The following PPP1R21 variants were observed in gnomAD, a reference collection of about 807,000 sequenced individuals.
The protein encoded by PPP1R21 is KLRAQ motif containing 1.
In PPP1R21, 85 loss-of-function variants were observed where a neutral mutation model predicts 112.8. The ratio of observed to expected loss-of-function variants is 0.75; its 90% CI spans 0.63 to 0.90. The LOEUF (loss-of-function observed/expected upper bound fraction) is 0.90, where lower values mean the gene tolerates loss of function less well. Among genes scored for constraint, PPP1R21 ranks in the 40% least tolerant of loss-of-function variants. PPP1R21 has a pLI of 0.00. For synonymous variants in PPP1R21, 381 were observed against 322.3 expected, an observed-to-expected ratio of 1.18 and a Z score of -1.95; for missense variants, 1,199 against 901.5, an observed-to-expected ratio of 1.33 and a Z score of -4.23.
At chr2:48,506,271 T>TC (rs1292498650) in intron 18 of PPP1R21, among the ~76,000 whole-genome samples, 1 of 152,206 alleles carries the variant, frequency 6.6e-6, no homozygotes, top group African/African-American at 2.4e-5. Context: ...TTTTTGTACT[T>TC]CTAGTAGAGA....
intron 9 of PPP1R21, 38 bp downstream of exon 9, chr2:48,465,680 C>T (rs1004700996): frequency 1.3e-6 from 2 of 1,579,692 alleles, no homozygotes; most frequent in Non-Finnish European, 1.7e-6. Context: ...TTGCCCTGAA[C>T]AAAATAGGGA....
rs1356214023 is a variant in PPP1R21 at position 48,474,697 on chromosome 2, G to A, written c.1103G>A (p.Cys368Tyr). The change falls in exon 12 of 22, where the codon TGT becomes TAT. Residue 368 changes from cysteine (C) to tyrosine (Y), a missense_variant. Cys to Tyr is a radical substitution (Grantham distance 194). Coordinates refer to ENST00000294952, the MANE Select transcript of PPP1R21 (RefSeq NM_001135629.3). ...CCTATTCCTAGTTTAGAAGAAGAAT[G>A]TGAATCCTCTCTTTGCACATCTGCG... is the stretch of plus-strand genomic sequence containing the variant. Reference protein sequence around the residue: ...PYQLKSLEEECESSLCTSALR... With the variant: ...PYQLKSLEEEYESSLCTSALR... The A allele has an allele frequency of 6.2e-7, 1 of 1,607,238 alleles. No individual in the cohort carries two copies. The highest frequency in any genetic ancestry group is 8.5e-7 in the Non-Finnish European group (1 of 1,177,198).
chr2:48,457,367 A>C (rs1044925113), intron 3 of PPP1R21, among the ~76,000 whole-genome samples: 1 of 152,218 alleles, frequency 6.6e-6, no homozygotes, highest in Non-Finnish European at 1.5e-5. Flanking sequence ...TTGGATTAGT[A>C]GGTGAGTTCA....
rs1558427152 is a variant in PPP1R21, at chr2:48,454,646, GA to G, written c.179del (p.Asp60AlafsTer3). ...QSLRKLQQEMDSLTFRNLQLA... is the reference protein window; with the variant it reads ...QSLRKLQQEMXSLTFRNLQLA... ...ATTGAGAAAACTACAACAGGAAATG[GA>G]CAGTTTGACATTTCGAAATCTGCAG... On this transcript the variant is annotated frameshift_variant, in exon 3 of 22. Transcript: ENST00000294952. LOFTEE classifies it high-confidence loss of function. The G allele has an allele frequency of 6.2e-7, 1 of 1,613,766 alleles. No homozygotes were observed. Among genetic ancestry groups the G allele is most frequent in the Non-Finnish European group, 8.5e-7 (1 of 1,179,642 alleles).
intron 16 of PPP1R21, among the ~76,000 whole-genome samples, chr2:48,496,100 C>CT (rs1296468556): frequency 6.6e-6 from 1 of 151,944 alleles, no homozygotes. Context: ...GCTAGTGACT[C>CT]TGAGTTATTT....
intron 1 of PPP1R21, among the ~76,000 whole-genome samples, chr2:48,448,396 C>T (rs938455613): frequency 1.3e-5 from 2 of 152,144 alleles, no homozygotes; most frequent in Admixed American, 6.5e-5. Context: ...TGCAGTGTGC[C>T]TTAGAAATGA....
intron 18 of PPP1R21, among the ~76,000 whole-genome samples, chr2:48,506,703 T>G (rs933280883): frequency 4.6e-5 from 7 of 152,070 alleles, no homozygotes; most frequent in Non-Finnish European, 8.8e-5. Context: ...CCCAGCACTT[T>G]GGGAGGCCAA....
rs745777290 is a variant in PPP1R21, at chr2:48,510,039, G to C, written c.2110G>C (p.Ala704Pro). The change falls in exon 20 of 22, where the codon GCC becomes CCC. Residue 704 changes from alanine to proline, a missense_variant. Ala to Pro is a conservative substitution (Grantham distance 27, BLOSUM62 -1). Coordinates refer to ENST00000294952, the MANE Select transcript of PPP1R21 (RefSeq NM_001135629.3). Reference sequence around the variant, plus strand: ...GTGCCGAGCACTGTCTAAAAGACTGGCCTTGGCTGAAAAGTCTAAGGAAGC... The same window carrying C: ...GTGCCGAGCACTGTCTAAAAGACTGCCCTTGGCTGAAAAGTCTAAGGAAGC... ...AECRALSKRLALAEKSKEALT... is the reference protein window; with the variant it reads ...AECRALSKRLPLAEKSKEALT... 15 of 1,613,830 alleles carry C rather than the reference G, an allele frequency of 9.3e-6. No homozygotes were observed. Among genetic ancestry groups the C allele is most frequent in the Admixed American group, 1.7e-5 (1 of 60,014 alleles).
chr2:48,472,097 G>A (rs890031910), intron 11 of PPP1R21, among the ~76,000 whole-genome samples: 20 of 151,682 alleles, frequency 1.3e-4, no homozygotes, highest in African/African-American at 2.2e-4. Context: ...AAAATTAGCC[G>A]GGCGTTGTGG....
At chr2:48,468,529 C>T (rs1668305387) in intron 9 of PPP1R21, among the ~76,000 whole-genome samples, 1 of 152,104 alleles carries the variant, frequency 6.6e-6, no homozygotes, top group Non-Finnish European at 1.5e-5. Flanking sequence ...AAAATATTTT[C>T]TGACCAGACA....
At chr2:48,495,145 C>G (rs1278397781) in intron 15 of PPP1R21, among the ~76,000 whole-genome samples, 1 of 152,100 alleles carries the variant, frequency 6.6e-6, no homozygotes, top group African/African-American at 2.4e-5. Flanking sequence ...GTAAAGTCAT[C>G]AGTCGAACCA....
At chr2:48,453,363 T>A (rs1667567320) in intron 2 of PPP1R21, among the ~76,000 whole-genome samples, 1 of 152,230 alleles carries the variant, frequency 6.6e-6, no homozygotes, top group Admixed American at 6.5e-5. Context: ...TTTTATTTTC[T>A]ATTTTTTTAA....
At chr2:48,474,519 G>A (rs964882154) in intron 11 of PPP1R21, among the ~76,000 whole-genome samples, 164 bp from the exon 12 acceptor site, 2 of 152,210 alleles carry the variant, frequency 1.3e-5, no homozygotes, top group African/African-American at 4.8e-5. Context: ...AGCAAGCAGT[G>A]TATGTATCAT....
At chr2:48,468,175 A>G (rs1368356087) in intron 9 of PPP1R21, among the ~76,000 whole-genome samples, 1 of 152,216 alleles carries the variant, frequency 6.6e-6, no homozygotes, top group Admixed American at 6.5e-5. Context: ...GGGAGATAGA[A>G]TACCTACCTC....
intron 2 of PPP1R21, 140 bp downstream of exon 2, chr2:48,451,216 G>A (rs1667455168): frequency 1.6e-6 from 1 of 642,030 alleles, no homozygotes; most frequent in South Asian, 1.9e-5. Flanking sequence ...ACAGTCTTTT[G>A]TGGTTAATTT....
chr2:48,506,684 G>A (rs921957248), intron 18 of PPP1R21, among the ~76,000 whole-genome samples: 6 of 152,034 alleles, frequency 3.9e-5, no homozygotes, highest in Admixed American at 6.6e-5. Flanking sequence ...GGTGGCTCAC[G>A]CCTGTAATCC....
At chr2:48,462,573 A>G (rs1668024433) in intron 7 of PPP1R21, among the ~76,000 whole-genome samples, 1 of 152,194 alleles carries the variant, frequency 6.6e-6, no homozygotes, top group Non-Finnish European at 1.5e-5. Context: ...AAAAGGTGTC[A>G]TCATGCCCTC....
chr2:48,487,213 AC>A (rs1377312769), intron 14 of PPP1R21, among the ~76,000 whole-genome samples: 1 of 152,202 alleles, frequency 6.6e-6, no homozygotes, highest in Non-Finnish European at 1.5e-5. Context: ...CTGGGAACAT[AC>A]AAAAAAAGAA....
intron 2 of PPP1R21, among the ~76,000 whole-genome samples, chr2:48,454,041 C>T (rs1033272343): frequency 6.7e-6 from 1 of 148,994 alleles, no homozygotes; most frequent in African/African-American, 2.6e-5. Context: ...GGTGGATCAC[C>T]TGAGGTCAGG....
Sources: allele counts gnomAD v4.1 joint callset (sites outside exome capture counted in the v4.1 genomes callset), GRCh38; gene constraint gnomAD v4.1.1; transcripts MANE v1.5; gene names NCBI Gene and HGNC (gene_info 2026-07-23, HGNC 2026-07-21).